Variants in CFAP100 observed in about 807,000 individuals in gnomAD.
The protein encoded by CFAP100 is cilia and flagella associated protein 100.
In CFAP100, 70 loss-of-function variants were observed where a neutral mutation model predicts 81.5. The observed-to-expected ratio is 0.86, with a 90% CI of 0.71 to 1.05. The LOEUF is 1.05. CFAP100 is among the 50% of genes least tolerant of loss of function. The pLI is 0.00. For missense variants in CFAP100, 811 were observed against 776.5 expected, an observed-to-expected ratio of 1.04 and a Z score of -0.53; for synonymous variants, 341 against 314.8, an observed-to-expected ratio of 1.08 and a Z score of -0.88.
chr3:126,395,298 C>T (rs2082872063), intron 1 of CFAP100: 1 of 152,244 alleles, frequency 6.6e-6, no homozygotes, highest in Admixed American at 6.5e-5. Context: ...AGGAATGGCA[C>T]AAGCTTAGAG....
chr3:126,436,247 G>T (rs376318954), intron 16 of CFAP100, 44 bp from the exon 17 acceptor site: 5 of 1,509,270 alleles, frequency 3.3e-6, no homozygotes, highest in Non-Finnish European at 4.6e-6. Flanking sequence ...ATGGGCATAC[G>T]GCTCACTAGG....
chr3:126,418,813 G>C (rs1363103789), intron 7 of CFAP100, 39 bp downstream of exon 7: 1 of 1,535,646 alleles, frequency 6.5e-7, no homozygotes, highest in African/African-American at 1.4e-5. Flanking sequence ...GGGCAATGCC[G>C]AACCCCCACT....
chr3:126,399,528 A>G (rs2082938907), intron 2 of CFAP100, among the ~76,000 whole-genome samples: 1 of 152,234 alleles, frequency 6.6e-6, no homozygotes, highest in African/African-American at 2.4e-5. Context: ...TACTAGAGCA[A>G]ATGAATGAAC....
chr3:126,400,549 T>A lies in CFAP100; in HGVS notation c.49+4500T>A, dbSNP rs9823401. ...CGGGCGGATCACGAGGTCAGGAGAT[T>A]GAGACCATCCTGGCTAACATGGTGA... is the stretch of plus-strand genomic sequence containing the variant. On this transcript the variant is annotated intron_variant, in intron 2 of 16. Transcript: ENST00000352312. 2.0e-5 allele frequency among the ~76,000 whole-genome samples: 3 copies of A among 151,814 alleles called. No homozygotes were observed. In the South Asian group the frequency reaches 6.2e-4, roughly 32 times the overall value.
intron 11 of CFAP100, among the ~76,000 whole-genome samples, chr3:126,421,308 T>G (rs1444158210): frequency 2.6e-5 from 4 of 152,236 alleles, no homozygotes; most frequent in Non-Finnish European, 5.9e-5. Flanking sequence ...CTGGCCACCT[T>G]ATTTCTGTTC....
intron 3 of CFAP100, among the ~76,000 whole-genome samples, chr3:126,409,529 C>G (rs2083121878): frequency 1.3e-5 from 2 of 152,196 alleles, no homozygotes; most frequent in African/African-American, 4.8e-5. Context: ...ATGAAGTTTT[C>G]CAGAGGGACT....
chr3:126,416,689 C>A, intron 5 of CFAP100, 181 bp downstream of exon 5: 1 of 535,782 alleles, frequency 1.9e-6, no homozygotes, highest in Non-Finnish European at 3.2e-6. Context: ...AAGCTCTATT[C>A]CAGGATTGCA....
chr3:126,398,639 G>A (rs1307467744), intron 2 of CFAP100, among the ~76,000 whole-genome samples: 1 of 152,232 alleles, frequency 6.6e-6, no homozygotes, highest in Non-Finnish European at 1.5e-5. Flanking sequence ...GGATGCGAAG[G>A]GCTGGAGGCA....
chr3:126,399,948 T>C (rs1015259613), intron 2 of CFAP100, among the ~76,000 whole-genome samples: 1 of 152,158 alleles, frequency 6.6e-6, no homozygotes, highest in African/African-American at 2.4e-5. Context: ...GTGTGTTTGA[T>C]TGCTGATCAT....
intron 13 of CFAP100, among the ~76,000 whole-genome samples, chr3:126,432,410 T>C (rs1273356165): frequency 6.7e-6 from 1 of 150,326 alleles, no homozygotes; most frequent in Non-Finnish European, 1.5e-5. Context: ...ATAGCAGCAA[T>C]ATTCCCAAGA....
intron 7 of CFAP100, 133 bp from the exon 8 acceptor site, chr3:126,418,943 A>G: frequency 1.0e-6 from 1 of 1,003,898 alleles, no homozygotes; most frequent in South Asian, 1.6e-5. Context: ...AAAAGGCTTA[A>G]CTGTGTGGCT....
chr3:126,426,120 T>C (rs2083399511), intron 13 of CFAP100, among the ~76,000 whole-genome samples: 1 of 152,216 alleles, frequency 6.6e-6, no homozygotes, highest in South Asian at 2.1e-4. Flanking sequence ...ACTGTCCTTG[T>C]TCACAGATGA....
chr3:126,426,501 C>T (rs1489457486), intron 13 of CFAP100, among the ~76,000 whole-genome samples: 1 of 151,916 alleles, frequency 6.6e-6, no homozygotes, highest in Non-Finnish European at 1.5e-5. Context: ...CCTGTAATCC[C>T]AGCACTTTGG....
At chr3:126,432,148 G>A (rs964718240) in intron 13 of CFAP100, among the ~76,000 whole-genome samples, 10 of 151,748 alleles carry the variant, frequency 6.6e-5, no homozygotes, top group African/African-American at 9.7e-5. Flanking sequence ...GCGTGGTGGC[G>A]GGTGCCTGTA....
In CFAP100 at chr3:126,414,101, T is replaced by C. The variant is rs754889373; in HGVS notation, c.147T>C (p.Pro49=). 2 of 1,613,854 alleles carry C rather than the reference T, an allele frequency of 1.2e-6. No homozygotes were observed. The highest frequency in any genetic ancestry group is 1.7e-6 in the Non-Finnish European group (2 of 1,179,728). ...ARKNEEHGPD[P]SANPFHLSGD... is the part of the protein sequence containing the mutation. The stretch of plus-strand genomic sequence containing the variant: ...CCTTTCCAGAACATGGTCCTGACCC[T>C]TCAGCGAACCCTTTCCACTTATCTG... Residue 49 remains proline (P), a synonymous_variant, in exon 4 of 17, where the codon CCT becomes CCC. Transcript: ENST00000352312.
chr3:126,419,067 A>ACCCCC lies in CFAP100; in HGVS notation c.651-9_651-8insCCCCC. ...CCCCATCCCTCCTCCCCCGCCGCCCAACCCCTAGGGCTGAGAAGGAGACCA... is the reference window on the plus strand; with the variant it reads ...CCCCATCCCTCCTCCCCCGCCGCCCACCCCCACCCCTAGGGCTGAGAAGGAGACCA... On this transcript the variant is annotated splice_polypyrimidine_tract_variant and intron_variant, in intron 7 of 16. Transcript: ENST00000352312. 1 of 273,324 alleles carries ACCCCC rather than the reference A, an allele frequency of 3.7e-6. No individual in the cohort carries two copies. Among genetic ancestry groups the ACCCCC allele is most frequent in the Non-Finnish European group, 5.5e-6 (1 of 181,750 alleles). 16.9% of individuals were successfully genotyped at this position (273,324 alleles called of 1,614,324 possible).
rs776018764 is a variant in CFAP100, at chr3:126,420,241, C to T, written c.1082+12C>T. The T allele has an allele frequency of 1.4e-5, 23 of 1,611,184 alleles. No homozygotes were observed. Among genetic ancestry groups the T allele is most frequent in the African/African-American group, 6.7e-5 (5 of 74,846 alleles). ...GGCGACTCCAGAGGGTGAGTGGGCT[C>T]GGGTGGTTGGGAGGGGCTGAGGCCT... On this transcript the variant is annotated intron_variant, in intron 11 of 16. Transcript: ENST00000352312.
intron 6 of CFAP100, 23 bp downstream of exon 6, chr3:126,418,548 C>T (rs896795441): frequency 1.2e-6 from 2 of 1,613,932 alleles, no homozygotes; most frequent in East Asian, 2.2e-5. Flanking sequence ...GCCCCCAGAG[C>T]GATGGATGCC....
chr3:126,434,504 G>C, intron 15 of CFAP100, 123 bp downstream of exon 15: 1 of 962,058 alleles, frequency 1.0e-6, no homozygotes, highest in Non-Finnish European at 1.5e-6. Context: ...TGTGCTATGA[G>C]AGACAAAAGC....
Sources: gnomAD v4.1 joint callset for allele counts (sites outside exome capture counted in the v4.1 genomes callset) on GRCh38, gnomAD v4.1.1 for gene constraint, MANE v1.5 for transcripts, NCBI Gene and HGNC (gene_info 2026-07-23, HGNC 2026-07-21) for gene names.